The following RAB38 variants were observed in gnomAD, a reference collection of about 807,000 sequenced individuals.
The protein encoded by RAB38 is RAB38, member RAS oncogene family, also known as ras-related protein Rab-38.
A neutral mutation model predicts 18.4 loss-of-function variants in RAB38; 15 were observed. The ratio of observed to expected loss-of-function variants is 0.82; its 90% CI spans 0.55 to 1.26. The LOEUF (loss-of-function observed/expected upper bound fraction) is 1.26. RAB38 is among the 50% of genes most tolerant of loss of function. The probability of loss-of-function intolerance (pLI) is 0.00; values close to 1 mark genes in which losing one functional copy is unlikely to be tolerated. For missense variants in RAB38, 294 were observed against 267.4 expected (o/e 1.10, Z -0.69); for synonymous variants, 101 against 104.4 (o/e 0.97, Z 0.20).
the RAB38 span, among the ~76,000 whole-genome samples, chr11:88,083,804 C>G: frequency 7.9e-5 from 12 of 151,980 alleles, no homozygotes; most frequent in Non-Finnish European, 1.8e-4. Context: ...AAGCAGAGAA[C>G]AGGGCCCTCG....
At chr11:88,100,968 A>G in the RAB38 span, among the ~76,000 whole-genome samples, 4 of 151,966 alleles carry the variant, frequency 2.6e-5, no homozygotes, top group Admixed American at 6.6e-5. Context: ...TACTGAATAA[A>G]AGGAGGAAAG....
At chr11:87,949,784 T>TTTGCTAAGGAGTGCTTTAC in the RAB38 span, among the ~76,000 whole-genome samples, 1 of 152,208 alleles carries the variant, frequency 6.6e-6, no homozygotes, top group Non-Finnish European at 1.5e-5. Context: ...TTCTTTTACA[T>TTTGCTAAGGAGTGCTTTAC]TTGCTAAGGA....
At chr11:88,057,639 A>T in the RAB38 span, among the ~76,000 whole-genome samples, 2 of 152,176 alleles carry the variant, frequency 1.3e-5, no homozygotes, top group Non-Finnish European at 2.9e-5. Context: ...TTCCCTCGGC[A>T]GAGTAGGGAG....
At chr11:87,976,236 T>C in the RAB38 span, among the ~76,000 whole-genome samples, 130 of 146,140 alleles carry the variant, frequency 8.9e-4, no homozygotes, top group African/African-American at 3.0e-3. Context: ...TATATATATA[T>C]ACACCTTCAT....
chr11:88,032,856 A>G, the RAB38 span, among the ~76,000 whole-genome samples: 1 of 152,200 alleles, frequency 6.6e-6, no homozygotes, highest in Non-Finnish European at 1.5e-5. Flanking sequence ...ATACCATTTG[A>G]CCCAGCCATC....
chr11:88,166,577 A>C lies in RAB38; in HGVS notation c.202+8606T>G, dbSNP rs933482720. The C allele has an allele frequency of 1.4e-4, 21 of 152,132 alleles. 1 individual carries two copies. Among genetic ancestry groups the C allele is most frequent in the Non-Finnish European group, 4.4e-5 (3 of 68,002 alleles). The allele number at this position is 152,132 out of a possible 1,614,324, so 9.4% of individuals were successfully genotyped here. A position where few individuals can be genotyped will look rare whatever the true frequency, so the allele number is the denominator to read the frequency against. On this transcript the variant is annotated intron_variant, in intron 1 of 2. Coordinates refer to ENST00000243662, the MANE Select transcript of RAB38 (RefSeq NM_022337.3). ...TGAGTACTCAGGGTTTTAATTCTGT[A>C]AAATTACCTTTCACGAAGTTATTAT...
At chr11:88,069,074 G>A in the RAB38 span, among the ~76,000 whole-genome samples, 1 of 152,186 alleles carries the variant, frequency 6.6e-6, no homozygotes, top group Non-Finnish European at 1.5e-5. Flanking sequence ...AGGAACCGGG[G>A]CTGTGCACTG....
At chr11:87,871,274 C>A in the RAB38 span, among the ~76,000 whole-genome samples, 1 of 151,664 alleles carries the variant, frequency 6.6e-6, no homozygotes, top group South Asian at 2.1e-4. Context: ...TCCCAACAAC[C>A]CCTCCCTACC....
At chr11:87,976,364 A>C in the RAB38 span, among the ~76,000 whole-genome samples, 1 of 141,862 alleles carries the variant, frequency 7.0e-6, no homozygotes. Flanking sequence ...AAATATAAAA[A>C]ATATATACAA....
At chr11:88,046,598 C>T in the RAB38 span, among the ~76,000 whole-genome samples, 1 of 152,154 alleles carries the variant, frequency 6.6e-6, no homozygotes, top group Admixed American at 6.6e-5. Context: ...AAATTTCTTC[C>T]TCATCTGTTA....
At chr11:87,926,321 T>A in the RAB38 span, among the ~76,000 whole-genome samples, 1 of 151,996 alleles carries the variant, frequency 6.6e-6, no homozygotes, top group Non-Finnish European at 1.5e-5. Context: ...ATTAAAAAAA[T>A]AATAAAAATT....
the RAB38 span, among the ~76,000 whole-genome samples, chr11:88,026,624 C>G: frequency 6.6e-6 from 1 of 151,290 alleles, no homozygotes. Flanking sequence ...ATGATCCGCC[C>G]GCCTCAGCCT....
the RAB38 span, among the ~76,000 whole-genome samples, chr11:87,932,752 T>C: frequency 1.3e-5 from 2 of 152,074 alleles, no homozygotes; most frequent in South Asian, 4.1e-4. Context: ...TTGTCCAGTG[T>C]GTAGGCAAAA....
At chr11:87,813,503 A>ACACACACACG in the RAB38 span, among the ~76,000 whole-genome samples, 1 of 109,204 alleles carries the variant, frequency 9.2e-6, no homozygotes, top group African/African-American at 3.0e-5. Flanking sequence ...TACACATCAC[A>ACACACACACG]CACACACACA....
intron 1 of RAB38, chr11:88,173,463 T>C: frequency 1.1e-6 from 1 of 921,626 alleles, no homozygotes. Flanking sequence ...ATGGAGGCAG[T>C]TCAACTCTGG....
At chr11:88,152,872 A>G (rs1943080576) in intron 1 of RAB38, among the ~76,000 whole-genome samples, 1 of 152,248 alleles carries the variant, frequency 6.6e-6, no homozygotes, top group Non-Finnish European at 1.5e-5. Context: ...GGAAATATAC[A>G]GTTTTTGCCC....
At chr11:87,904,686 T>C in the RAB38 span, among the ~76,000 whole-genome samples, 2 of 145,338 alleles carry the variant, frequency 1.4e-5, no homozygotes, top group African/African-American at 5.5e-5. Context: ...TGAACTAATT[T>C]ACATTCCCTC....
At chr11:87,847,303 G>A in the RAB38 span, among the ~76,000 whole-genome samples, 1 of 152,040 alleles carries the variant, frequency 6.6e-6, no homozygotes, top group Non-Finnish European at 1.5e-5. Context: ...AGTAATGAAT[G>A]CTTAATGTGT....
chr11:87,837,489 C>G, the RAB38 span, among the ~76,000 whole-genome samples: 1 of 152,086 alleles, frequency 6.6e-6, no homozygotes, highest in Non-Finnish European at 1.5e-5. Flanking sequence ...CCTTCATAAG[C>G]CATAAGTATT....
Sources: gnomAD v4.1 joint callset for allele counts (sites outside exome capture counted in the v4.1 genomes callset) on GRCh38, gnomAD v4.1.1 for gene constraint, MANE v1.5 for transcripts, NCBI Gene and HGNC (gene_info 2026-07-23, HGNC 2026-07-21) for gene names.